LHFPL6: variants seen among roughly 807,000 people sequenced by gnomAD.
LHFPL6 encodes the protein LHFPL tetraspan subfamily member 6 protein.
LHFPL6 carries 9 observed loss-of-function variants against 20.6 expected under a neutral mutation model. The ratio of observed to expected loss-of-function variants is 0.44; its 90% CI spans 0.26 to 0.76. The LOEUF (loss-of-function observed/expected upper bound fraction) is 0.76, where lower values mean the gene tolerates loss of function less well. Among genes scored for constraint, LHFPL6 ranks in the 30% least tolerant of loss-of-function variants. LHFPL6 has a pLI of 0.20. For missense variants in LHFPL6, 218 were observed against 253.5 expected, an observed-to-expected ratio of 0.86 and a Z score of 0.95; for synonymous variants, 105 against 98.7, an observed-to-expected ratio of 1.06 and a Z score of -0.38.
intron 2 of LHFPL6, among the ~76,000 whole-genome samples, chr13:39,434,950 G>T (rs1030176075): frequency 1.3e-5 from 2 of 150,896 alleles, no homozygotes; most frequent in Non-Finnish European, 3.0e-5. Flanking sequence ...CAGCTACTCG[G>T]GAGGCTGAGG....
chr13:39,530,247 C>CA (rs529766145), intron 2 of LHFPL6, among the ~76,000 whole-genome samples: 3,529 of 102,074 alleles, frequency 0.035, 65 homozygotes, highest in East Asian at 0.12. Context: ...GACCTTGTTT[C>CA]AAAAAAAAAA....
chr13:39,572,332 C>A (rs9548830), intron 2 of LHFPL6, among the ~76,000 whole-genome samples: 59,530 of 134,920 alleles, frequency 0.44, 12,382 homozygotes, highest in South Asian at 0.58. Flanking sequence ...GTGTGTGTGA[C>A]AGTCCCCAGT....
chr13:39,474,330 T>A (rs1593326935), intron 2 of LHFPL6, among the ~76,000 whole-genome samples: 1 of 152,266 alleles, frequency 6.6e-6, no homozygotes, highest in African/African-American at 2.4e-5. Flanking sequence ...TTCAGTTTCA[T>A]GAAGAGAATT....
At chr13:39,440,771 C>T (rs997798623) in intron 2 of LHFPL6, among the ~76,000 whole-genome samples, 1 of 152,100 alleles carries the variant, frequency 6.6e-6, no homozygotes, top group African/African-American at 2.4e-5. Flanking sequence ...TGAATTGTAA[C>T]TCCCACAATT....
intron 2 of LHFPL6, among the ~76,000 whole-genome samples, chr13:39,439,909 T>C (rs1872069055): frequency 6.6e-6 from 1 of 152,224 alleles, no homozygotes; most frequent in Non-Finnish European, 1.5e-5. Flanking sequence ...TAAACCTCTT[T>C]TCTTTATAAA....
chr13:39,547,357 C>G (rs1024895038), intron 2 of LHFPL6, among the ~76,000 whole-genome samples: 12 of 152,020 alleles, frequency 7.9e-5, no homozygotes, highest in African/African-American at 2.9e-4. Flanking sequence ...ATCCCCAATA[C>G]CTAGCAAGGG....
At position 39,563,596 on chromosome 13, in the gene LHFPL6, G is replaced by A. The variant is rs569246015; in HGVS notation, c.385+37236C>T. 3.9e-5 allele frequency among the ~76,000 whole-genome samples: 6 copies of A among 152,252 alleles called. No homozygotes were observed. In the South Asian group the frequency reaches 6.2e-4, roughly 16 times the overall value. Reference sequence around the variant, plus strand: ...GAGCAGAATCATTGCATATTTTAACGCCTTCTTGGCTAATAAGAATAAAAC... The same window carrying A: ...GAGCAGAATCATTGCATATTTTAACACCTTCTTGGCTAATAAGAATAAAAC... On this transcript the variant is annotated intron_variant, in intron 2 of 3. Coordinates refer to ENST00000379589, the MANE Select transcript of LHFPL6 (RefSeq NM_005780.3).
intron 2 of LHFPL6, among the ~76,000 whole-genome samples, chr13:39,546,426 G>T (rs7998772): frequency 0.33 from 50,550 of 151,986 alleles, 8,542 homozygotes; most frequent in Middle Eastern, 0.45. Context: ...GATTCCGATA[G>T]ACATTTTAAT....
intron 2 of LHFPL6, among the ~76,000 whole-genome samples, chr13:39,569,596 C>A (rs1251044996): frequency 6.6e-6 from 1 of 152,134 alleles, no homozygotes; most frequent in Non-Finnish European, 1.5e-5. Flanking sequence ...AAATTTACCT[C>A]AACTTTGGTT....
chr13:39,575,505 AC>A (rs1340859967), intron 2 of LHFPL6, among the ~76,000 whole-genome samples: 7 of 152,332 alleles, frequency 4.6e-5, no homozygotes, highest in Middle Eastern at 3.4e-3. Context: ...TTGCTAATTT[AC>A]TATGACATCT....
intron 2 of LHFPL6, among the ~76,000 whole-genome samples, chr13:39,399,109 A>G (rs1870916943): frequency 6.6e-6 from 1 of 152,200 alleles, no homozygotes; most frequent in South Asian, 2.1e-4. Flanking sequence ...CAAGTTTTAA[A>G]AATCCTATGG....
At chr13:39,351,782 A>G (rs1869575058) in intron 3 of LHFPL6, among the ~76,000 whole-genome samples, 2 of 152,320 alleles carry the variant, frequency 1.3e-5, no homozygotes, top group African/African-American at 4.8e-5. Flanking sequence ...TATACTGCTG[A>G]GTGTTCAAAC....
At chr13:39,467,659 T>C (rs1438652572) in intron 2 of LHFPL6, among the ~76,000 whole-genome samples, 1 of 152,204 alleles carries the variant, frequency 6.6e-6, no homozygotes, top group African/African-American at 2.4e-5. Flanking sequence ...GAAGATTAAA[T>C]TCATATCATA....
At chr13:39,579,252 G>A (rs1040742244) in intron 2 of LHFPL6, among the ~76,000 whole-genome samples, 3 of 152,112 alleles carry the variant, frequency 2.0e-5, no homozygotes, top group African/African-American at 4.8e-5. Flanking sequence ...CCAGGCCAAG[G>A]GCAGATACTC....
At chr13:39,517,860 C>G (rs1330862893) in intron 2 of LHFPL6, among the ~76,000 whole-genome samples, 3 of 152,186 alleles carry the variant, frequency 2.0e-5, no homozygotes, top group Non-Finnish European at 4.4e-5. Context: ...TCCCTTTACT[C>G]TCACAGTAGT....
In LHFPL6 at chr13:39,463,947, T is replaced by C. The variant is rs117141597; in HGVS notation, c.386-85421A>G. Among the ~76,000 whole-genome samples the C allele has an allele frequency of 8.8e-4, 134 of 152,268 alleles. 1 individual carries two copies. In the East Asian group the frequency reaches 0.02, roughly 22 times the overall value. ...CTAACATATTGATGCTGATTAGAAA[T>C]GAAAGCCCTTATTATACAGAGGTAG... On this transcript the variant is annotated intron_variant, in intron 2 of 3. Transcript: ENST00000379589.
chr13:39,529,443 A>C (rs2138493417), intron 2 of LHFPL6, among the ~76,000 whole-genome samples: 1 of 152,284 alleles, frequency 6.6e-6, no homozygotes, highest in South Asian at 2.1e-4. Flanking sequence ...TCTTGAGTGC[A>C]TTTATTTAAT....
chr13:39,485,619 C>T (rs759566585), intron 2 of LHFPL6, among the ~76,000 whole-genome samples: 4 of 152,144 alleles, frequency 2.6e-5, no homozygotes, highest in Non-Finnish European at 5.9e-5. Context: ...TATTTATGTG[C>T]TTCTTGGCTT....
intron 2 of LHFPL6, among the ~76,000 whole-genome samples, chr13:39,487,773 CTGAGGTT>C (rs1868775012): frequency 6.6e-6 from 1 of 152,148 alleles, no homozygotes; most frequent in African/African-American, 2.4e-5. Context: ...CTTTGGGAGG[CTGAGGTT>C]CACACCTGTA....
Sources: gnomAD v4.1 joint callset for allele counts (sites outside exome capture counted in the v4.1 genomes callset) on GRCh38, gnomAD v4.1.1 for gene constraint, MANE v1.5 for transcripts, NCBI Gene and HGNC (gene_info 2026-07-23, HGNC 2026-07-21) for gene names.